Variants in ZNF93 observed in about 807,000 individuals in gnomAD.
ZNF93 encodes zinc finger protein 505.
A neutral mutation model predicts 45.0 loss-of-function variants in ZNF93; 29 were observed. The ratio of observed to expected loss-of-function variants is 0.64; its 90% CI spans 0.48 to 0.88. The LOEUF is 0.88. ZNF93 is among the 40% of genes least tolerant of loss of function. ZNF93 has a pLI of 0.00. For synonymous variants in ZNF93, 223 were observed against 244.6 expected (o/e 0.91, Z 0.82); for missense variants, 578 against 724.0 (o/e 0.80, Z 2.31).
In ZNF93 at chr19:19,934,346, A is replaced by C. The variant is rs2063385923; in HGVS notation, c.1391A>C (p.Gln464Pro). Residue 464 changes from glutamine (Q) to proline (P), a missense_variant, in exon 4 of 4, where the codon CAG becomes CCG. Transcript: ENST00000343769. ...KCEECGKAFN[Q>P]SSSLTKHKKI... ...GAAGAATGTGGCAAAGCTTTTAACCAGTCCTCATCCCTTACTAAACATAAG... is the reference window on the plus strand; with the variant it reads ...GAAGAATGTGGCAAAGCTTTTAACCCGTCCTCATCCCTTACTAAACATAAG... 6.2e-7 allele frequency: 1 copy of C among 1,612,536 alleles called. No homozygotes were observed. The highest frequency in any genetic ancestry group is 1.1e-5 in the South Asian group (1 of 91,022).
At position 19,933,232 on chromosome 19, in the gene ZNF93, G is replaced by C; in HGVS notation, c.277G>C (p.Asp93His). Residue 93 changes from aspartate to histidine, a missense_variant, in exon 4 of 4, where the codon GAT (aspartate) becomes CAT (histidine). Asp to His is a moderately conservative substitution (Grantham distance 81, BLOSUM62 -1). Around this residue, in one of 3 missense-constraint regions of ZNF93, gnomAD observed 446 missense variants for 547.6 expected, o/e 0.81. Transcript: ENST00000343769. Reference sequence around the variant, plus strand: ...TCTTTGGCCAGAGCAGAACATAAAAGATTCTTTCCAAAAAGTGATACTGAG... The same window carrying C: ...TCTTTGGCCAGAGCAGAACATAAAACATTCTTTCCAAAAAGTGATACTGAG... ...QDLWPEQNIKDSFQKVILRRY... is the reference protein window; with the variant it reads ...QDLWPEQNIKHSFQKVILRRY... 1 of 1,601,018 alleles carries C rather than the reference G, an allele frequency of 6.2e-7. No homozygotes were observed.
chr19:19,920,224 G>T lies in ZNF93; in HGVS notation c.226+3569G>T, dbSNP rs554012259. On this transcript the variant is annotated intron_variant, in intron 3 of 3. Coordinates refer to ENST00000343769, the MANE Select transcript of ZNF93 (RefSeq NM_031218.4). ...TTGAGATAATCATGTGGTTTTTGTT[G>T]TTGGTTCTGTTTATATGCTGGATTA... Among the ~76,000 whole-genome samples the T allele has an allele frequency of 9.2e-4, 140 of 152,244 alleles. 1 individual carries two copies. The highest frequency in any genetic ancestry group is 1.4e-3 in the Admixed American group (22 of 15,290).
At chr19:19,909,585 G>A (rs929836642) in intron 1 of ZNF93, 3 of 152,232 alleles carry the variant, frequency 2.0e-5, no homozygotes, top group African/African-American at 7.2e-5. Flanking sequence ...CCATCTTTCT[G>A]ACTTTGCAGT....
At chr19:19,928,256 A>G (rs1326313659) in intron 3 of ZNF93, among the ~76,000 whole-genome samples, 2 of 152,184 alleles carry the variant, frequency 1.3e-5, no homozygotes, top group Non-Finnish European at 2.9e-5. Context: ...CATATACAAA[A>G]TGGTTCATTT....
At chr19:19,933,067 T>C in intron 3 of ZNF93, 115 bp from the exon 4 acceptor site, 1 of 817,268 alleles carries the variant, frequency 1.2e-6, no homozygotes, top group African/African-American at 1.8e-5. Flanking sequence ...CAGCTTGTGG[T>C]ATTTTACTAT....
At chr19:19,917,427 T>C (rs539951536) in intron 3 of ZNF93, among the ~76,000 whole-genome samples, 1 of 151,430 alleles carries the variant, frequency 6.6e-6, no homozygotes, top group Non-Finnish European at 1.5e-5. Context: ...TTAATTTTTT[T>C]CCCAGTAGTT....
intron 3 of ZNF93, among the ~76,000 whole-genome samples, chr19:19,930,495 G>A (rs1312424378): frequency 6.6e-6 from 1 of 152,066 alleles, no homozygotes; most frequent in African/African-American, 2.4e-5. Context: ...TTCCTGGTCC[G>A]CTAAGTAGCA....
intron 3 of ZNF93, among the ~76,000 whole-genome samples, chr19:19,918,790 G>A (rs1268976607): frequency 6.6e-5 from 10 of 152,028 alleles, no homozygotes; most frequent in Non-Finnish European, 1.3e-4. Flanking sequence ...CCCACTTTTC[G>A]ATGGGGTTGT....
chr19:19,913,116 A>AGT (rs144230128), intron 1 of ZNF93, among the ~76,000 whole-genome samples: 11,840 of 152,246 alleles, frequency 0.078, 962 homozygotes, highest in African/African-American at 0.21. Context: ...ATAATGAGCC[A>AGT]GTGGGGAGCA....
chr19:19,902,206 A>G (rs2063274853), intron 1 of ZNF93, among the ~76,000 whole-genome samples: 2 of 152,180 alleles, frequency 1.3e-5, no homozygotes, highest in Admixed American at 6.5e-5. Flanking sequence ...TGACATGACA[A>G]AGCTTGAGCC....
chr19:19,903,760 AAAAC>A lies in ZNF93; in HGVS notation c.3+2679_3+2682del, dbSNP rs934746525. 5.9e-5 allele frequency among the ~76,000 whole-genome samples: 9 copies of A among 151,722 alleles called. No homozygotes were observed. In the South Asian group the frequency reaches 6.3e-4, roughly 11 times the overall value. ...AGCTTGGCGACAGAGCAAGACTCTG[AAAAC>A]AAACAAACAGAAAAAAATATTTCAG... On this transcript the variant is annotated intron_variant, in intron 1 of 3. Coordinates refer to ENST00000343769, the MANE Select transcript of ZNF93 (RefSeq NM_031218.4).
At chr19:19,930,557 A>G (rs1382542565) in intron 3 of ZNF93, among the ~76,000 whole-genome samples, 1 of 140,348 alleles carries the variant, frequency 7.1e-6, no homozygotes, top group Non-Finnish European at 1.5e-5. Flanking sequence ...CTGCTAGGCA[A>G]CGGGCGTCTT....
chr19:19,918,802 T>G, intron 3 of ZNF93, among the ~76,000 whole-genome samples: 1 of 152,326 alleles, frequency 6.6e-6, no homozygotes, highest in East Asian at 1.9e-4. Flanking sequence ...TGGGGTTGTT[T>G]GTTTTTTTCT....
chr19:19,916,192 G>C (rs1420554713), intron 2 of ZNF93, among the ~76,000 whole-genome samples: 1 of 150,614 alleles, frequency 6.6e-6, no homozygotes, highest in African/African-American at 2.4e-5. Flanking sequence ...TCAATCTCCC[G>C]AGTAGCTGGG....
At position 19,933,909 on chromosome 19, in the gene ZNF93, T is replaced by C. The variant is rs750030221; in HGVS notation, c.954T>C (p.Cys318=). 4.3e-6 allele frequency: 7 copies of C among 1,613,116 alleles called. No individual in the cohort carries two copies. The South Asian group carries it at 7.7e-5, about 18-fold the overall frequency. The change falls in exon 4 of 4, where the codon TGT becomes TGC. Residue 318 remains cysteine (C), a synonymous_variant. Transcript: ENST00000343769. ...TGEKPYVCEE[C]GKAFKYSRIL... The stretch of plus-strand genomic sequence containing the variant: ...AGAAGCCCTACGTTTGTGAAGAATG[T>C]GGCAAAGCCTTTAAGTACTCCCGTA...
chr19:19,919,027 C>T (rs191240622), intron 3 of ZNF93, among the ~76,000 whole-genome samples: 2 of 152,192 alleles, frequency 1.3e-5, no homozygotes, highest in East Asian at 1.9e-4. Context: ...GAAGTCCTTG[C>T]CTGCCTATGT....
chr19:19,931,627 A>T (rs1385599267), intron 3 of ZNF93, among the ~76,000 whole-genome samples: 1 of 152,202 alleles, frequency 6.6e-6, no homozygotes, highest in Non-Finnish European at 1.5e-5. Flanking sequence ...GAACTTCCAA[A>T]TTCCTATGAT....
In ZNF93 at chr19:19,935,228, G is replaced by A; in HGVS notation, c.*410G>A. On this transcript the variant is annotated 3_prime_UTR_variant, in exon 4 of 4. Coordinates refer to ENST00000343769, the MANE Select transcript of ZNF93 (RefSeq NM_031218.4). ...TGTCTGCCGTACAGAGTGAAGTCCTGAAGGATATTTAGTCTGTCCAAAACT... is the reference window on the plus strand; with the variant it reads ...TGTCTGCCGTACAGAGTGAAGTCCTAAAGGATATTTAGTCTGTCCAAAACT... The A allele has an allele frequency of 5.6e-6, 1 of 177,272 alleles. No homozygotes were observed. Among genetic ancestry groups the A allele is most frequent in the Non-Finnish European group, 1.2e-5 (1 of 83,580 alleles). 11.0% of individuals were successfully genotyped at this position (177,272 alleles called of 1,614,324 possible).
At chr19:19,902,038 A>T (rs942954168) in intron 1 of ZNF93, among the ~76,000 whole-genome samples, 1 of 152,070 alleles carries the variant, frequency 6.6e-6, no homozygotes, top group Non-Finnish European at 1.5e-5. Flanking sequence ...CAGTGAGCCG[A>T]GAGCTTGCCA....
Sources: allele counts gnomAD v4.1 joint callset (sites outside exome capture counted in the v4.1 genomes callset), GRCh38; gene constraint gnomAD v4.1.1; regional missense constraint gnomAD v4.1.1; transcripts MANE v1.5; gene names NCBI Gene and HGNC (gene_info 2026-07-23, HGNC 2026-07-21).